HS3ST3A1: variants seen among roughly 807,000 people sequenced by gnomAD.
HS3ST3A1 encodes the protein heparan sulfate glucosamine 3-O-sulfotransferase 3A1.
Under a neutral mutation model 25.7 loss-of-function variants are expected in HS3ST3A1, and 19 were observed. That is an observed-to-expected ratio of 0.74 (90% CI 0.52 to 1.08). HS3ST3A1 has a LOEUF of 1.08. Among genes scored for constraint, HS3ST3A1 ranks in the 50% least tolerant of loss-of-function variants. The pLI is 0.00. For synonymous variants in HS3ST3A1, 226 were observed against 278.6 expected (o/e 0.81, Z 1.88); for missense variants, 459 against 594.3 (o/e 0.77, Z 2.37).
At chr17:13,538,328 C>T (rs1470426887) in intron 1 of HS3ST3A1, among the ~76,000 whole-genome samples, 2 of 152,140 alleles carry the variant, frequency 1.3e-5, no homozygotes, top group African/African-American at 2.4e-5. Context: ...CAAGCCATCC[C>T]GATTAGCCAC....
At chr17:13,583,037 A>G (rs1340710916) in intron 1 of HS3ST3A1, among the ~76,000 whole-genome samples, 1 of 152,230 alleles carries the variant, frequency 6.6e-6, no homozygotes, top group Non-Finnish European at 1.5e-5. Context: ...CTGAAAGGCA[A>G]TAAATTGTGG....
At chr17:13,547,959 A>T in intron 1 of HS3ST3A1, among the ~76,000 whole-genome samples, 1 of 151,860 alleles carries the variant, frequency 6.6e-6, no homozygotes, top group East Asian at 1.9e-4. Flanking sequence ...AAAAAAAAAA[A>T]AAAACCACAC....
intron 1 of HS3ST3A1, among the ~76,000 whole-genome samples, chr17:13,507,084 A>C (rs1447691816): frequency 6.9e-6 from 1 of 144,452 alleles, no homozygotes; most frequent in Non-Finnish European, 1.5e-5. Flanking sequence ...AAAAAAAAAA[A>C]AACAAAAAAA....
intron 1 of HS3ST3A1, among the ~76,000 whole-genome samples, chr17:13,523,669 T>C (rs1194772867): frequency 6.6e-6 from 1 of 152,212 alleles, no homozygotes; most frequent in Non-Finnish European, 1.5e-5. Context: ...CTCCAATAGT[T>C]TTCTCTCGGT....
Position 13,496,032 on chromosome 17 carries a change from T to C in HS3ST3A1, c.*165A>G, listed in dbSNP as rs901197622. ...TTTCTGTTGATCCACGTGTTTGGTG[T>C]TGGTTATACATTAAGATGGGGCGGG... On this transcript the variant is annotated 3_prime_UTR_variant, in exon 2 of 2. Transcript: ENST00000284110. 1 of 815,638 alleles carries C rather than the reference T, an allele frequency of 1.2e-6. No individual in the cohort carries two copies. The highest frequency in any genetic ancestry group is 2.8e-5 in the South Asian group (1 of 35,960). 50.5% of individuals were successfully genotyped at this position (815,638 alleles called of 1,614,324 possible).
At chr17:13,565,549 A>AGTAAAAT (rs1907656435) in intron 1 of HS3ST3A1, among the ~76,000 whole-genome samples, 2 of 152,118 alleles carry the variant, frequency 1.3e-5, no homozygotes. Flanking sequence ...TAAATAAGTA[A>AGTAAAAT]GTAAAATAAA....
chr17:13,512,798 C>T (rs1004753834), intron 1 of HS3ST3A1, among the ~76,000 whole-genome samples: 2 of 152,158 alleles, frequency 1.3e-5, no homozygotes, highest in African/African-American at 4.8e-5. Context: ...TGTAGTAGTT[C>T]ATGATCTGCG....
At chr17:13,566,793 G>T (rs1415805124) in intron 1 of HS3ST3A1, among the ~76,000 whole-genome samples, 3 of 150,586 alleles carry the variant, frequency 2.0e-5, no homozygotes, top group Admixed American at 2.0e-4. Flanking sequence ...AGGTGAGGAA[G>T]TTGCAGAAAA....
Position 13,496,116 on chromosome 17 carries a change from A to G in HS3ST3A1, c.*81T>C. ...AATACTGAAACATATTTTCAGCACA[A>G]ATATTAAACTGTCTCTTCTCTACCG... is the stretch of plus-strand genomic sequence containing the variant. On this transcript the variant is annotated 3_prime_UTR_variant, in exon 2 of 2. Coordinates refer to ENST00000284110, the MANE Select transcript of HS3ST3A1 (RefSeq NM_006042.3). 1 of 1,380,408 alleles carries G rather than the reference A, an allele frequency of 7.2e-7. No individual in the cohort carries two copies. Among genetic ancestry groups the G allele is most frequent in the Non-Finnish European group, 9.6e-7 (1 of 1,046,706 alleles). 85.5% of individuals were successfully genotyped at this position (1,380,408 alleles called of 1,614,324 possible). A position where few individuals can be genotyped will look rare whatever the true frequency, so the allele number is the denominator to read the frequency against.
chr17:13,576,257 G>A (rs1264610758), intron 1 of HS3ST3A1, among the ~76,000 whole-genome samples: 1 of 152,218 alleles, frequency 6.6e-6, no homozygotes, highest in Non-Finnish European at 1.5e-5. Context: ...TCCCAGCTCA[G>A]CTCAGTGTAT....
At chr17:13,559,756 G>A (rs1907476691) in intron 1 of HS3ST3A1, among the ~76,000 whole-genome samples, 1 of 151,892 alleles carries the variant, frequency 6.6e-6, no homozygotes, top group Non-Finnish European at 1.5e-5. Context: ...GTACAGGATG[G>A]AAGCACAGGC....
chr17:13,593,233 C>CAAAAAAAAAAAAA (rs5819419), intron 1 of HS3ST3A1, among the ~76,000 whole-genome samples: 2,879 of 102,712 alleles, frequency 0.028, 145 homozygotes, highest in Non-Finnish European at 0.045. Flanking sequence ...TGTTTGTAGC[C>CAAAAAAAAAAAAA]AAAAAAAAAA....
In HS3ST3A1 at chr17:13,580,823, G is replaced by A. The variant is rs144927773; in HGVS notation, c.599+19708C>T. ...GTAGAATCGCTTGAACCCAGGAGGCGGAGGTTGTCGTGAGCCGAGATCACG... is the reference window on the plus strand; with the variant it reads ...GTAGAATCGCTTGAACCCAGGAGGCAGAGGTTGTCGTGAGCCGAGATCACG... On this transcript the variant is annotated intron_variant, in intron 1 of 1. Transcript: ENST00000284110. Among the ~76,000 whole-genome samples, 381 of 152,122 alleles carry A rather than the reference G, an allele frequency of 2.5e-3. 14 individuals are homozygous for A. The East Asian group carries it at 0.052, about 21-fold the overall frequency.
intron 1 of HS3ST3A1, among the ~76,000 whole-genome samples, chr17:13,542,383 CA>C (rs1906961493): frequency 6.7e-6 from 1 of 150,044 alleles, no homozygotes; most frequent in East Asian, 2.0e-4. Flanking sequence ...ATCCCTGATC[CA>C]ACAGAATTGG....
At chr17:13,548,675 G>A (rs1907155842) in intron 1 of HS3ST3A1, among the ~76,000 whole-genome samples, 1 of 152,176 alleles carries the variant, frequency 6.6e-6, no homozygotes, top group African/African-American at 2.4e-5. Flanking sequence ...TCTAGCTAAA[G>A]GATTGTAAAC....
chr17:13,503,334 A>G (rs1011923278), intron 1 of HS3ST3A1, among the ~76,000 whole-genome samples: 4 of 152,230 alleles, frequency 2.6e-5, no homozygotes, highest in Non-Finnish European at 5.9e-5. Context: ...TTACAGCTAG[A>G]TAGGAGGAAT....
At chr17:13,517,544 A>G (rs544075750) in intron 1 of HS3ST3A1, among the ~76,000 whole-genome samples, 12 of 152,386 alleles carry the variant, frequency 7.9e-5, no homozygotes, top group African/African-American at 2.9e-4. Context: ...AACTAGAGCC[A>G]TAAGTGACCT....
chr17:13,572,010 C>T (rs1443176498), intron 1 of HS3ST3A1, among the ~76,000 whole-genome samples: 1 of 152,110 alleles, frequency 6.6e-6, no homozygotes, highest in Non-Finnish European at 1.5e-5. Context: ...CCACCCACCT[C>T]GGCCTCTCAA....
intron 1 of HS3ST3A1, among the ~76,000 whole-genome samples, chr17:13,508,930 A>T (rs921987590): frequency 4.0e-5 from 6 of 151,898 alleles, no homozygotes; most frequent in African/African-American, 1.5e-4. Flanking sequence ...GCAAAAAGTA[A>T]TATTTCCTAC....
Sources: gnomAD v4.1 joint callset for allele counts (sites outside exome capture counted in the v4.1 genomes callset) on GRCh38, gnomAD v4.1.1 for gene constraint, MANE v1.5 for transcripts, NCBI Gene and HGNC (gene_info 2026-07-23, HGNC 2026-07-21) for gene names.